ATMIN: variants seen among roughly 807,000 people sequenced by gnomAD.
ATMIN encodes the protein ATM INteracting protein.
Under a neutral mutation model 49.2 loss-of-function variants are expected in ATMIN, and 24 were observed. That is an observed-to-expected ratio of 0.49 (90% CI 0.35 to 0.69). The LOEUF (loss-of-function observed/expected upper bound fraction) is 0.69. Ranked by LOEUF, ATMIN falls within the 30% of genes least tolerant of loss-of-function variation. The pLI is 0.00. For synonymous variants in ATMIN, 450 were observed against 392.5 expected (o/e 1.15, Z -1.73); for missense variants, 1,037 against 1,005.5 (o/e 1.03, Z -0.42).
chr16:81,043,997 G>A lies in ATMIN; in HGVS notation c.1499G>A (p.Ser500Asn). 6.2e-7 allele frequency: 1 copy of A among 1,614,220 alleles called. No homozygotes were observed. The highest frequency in any genetic ancestry group is 1.1e-5 in the South Asian group (1 of 91,084). ...SRETQTSGIE[S>N]PTDDHVQMDQ... ...GAAACTCAAACCAGTGGGATAGAAA[G>A]TCCAACGGATGACCATGTACAGATG... The change falls in exon 4 of 4, where the codon AGT becomes AAT. Residue 500 changes from serine (S) to asparagine (N), a missense_variant. Coordinates refer to ENST00000299575, the MANE Select transcript of ATMIN (RefSeq NM_015251.3).
chr16:81,041,555 C>G (rs898589637), intron 2 of ATMIN, 74 bp downstream of exon 2: 24 of 1,533,704 alleles, frequency 1.6e-5, no homozygotes, highest in Non-Finnish European at 1.7e-5. Context: ...GCAGACATAA[C>G]TACAGAATTG....
chr16:81,041,384 A>T lies in ATMIN; in HGVS notation c.365A>T (p.Lys122Ile), dbSNP rs762456984. Residue 122 changes from lysine (K) to isoleucine (I), a missense_variant, in exon 2 of 4, where the codon AAA becomes ATA. By Grantham distance (102) the Lys-to-Ile change is moderately radical. Transcript: ENST00000299575. ...GGCATAGTCAATCCAACAATAAGAA[A>T]AGATTTGAAAACTGGACCGAAATTC... ...QDGIVNPTIR[K>I]DLKTGPKFYC... is the part of the protein sequence containing the mutation. 4 of 1,613,514 alleles carry T rather than the reference A, an allele frequency of 2.5e-6. No homozygotes were observed. The highest frequency in any genetic ancestry group is 3.4e-6 in the Non-Finnish European group (4 of 1,179,876).
At position 81,046,661 on chromosome 16, in the gene ATMIN, G is replaced by GACACAC. The variant is rs56038631; in HGVS notation, c.*1716_*1721dup. ...GTGCAGCCTGTAAGTTCTCCACATT[G>GACACAC]ACACACACACACACACACACACACA... On this transcript the variant is annotated 3_prime_UTR_variant, in exon 4 of 4. Coordinates refer to ENST00000299575, the MANE Select transcript of ATMIN (RefSeq NM_015251.3). 0.064 allele frequency: 9,459 copies of GACACAC among 147,212 alleles called. 340 individuals carry two copies. Among genetic ancestry groups the GACACAC allele is most frequent in the African/African-American group, 0.098 (3,944 of 40,104 alleles). 9.1% of individuals were successfully genotyped at this position (147,212 alleles called of 1,614,324 possible).
intron 3 of ATMIN, 76 bp from the exon 4 acceptor site, chr16:81,043,085 G>A: frequency 6.7e-7 from 1 of 1,496,444 alleles, no homozygotes. Flanking sequence ...AATGGCATTT[G>A]TAAGTGAGGA....
Position 81,044,663 on chromosome 16 carries a change from G to T in ATMIN, c.2165G>T (p.Ser722Ile), listed in dbSNP as rs962002598. 3.1e-6 allele frequency: 5 copies of T among 1,614,174 alleles called. No homozygotes were observed. Among genetic ancestry groups the T allele is most frequent in the Non-Finnish European group, 4.2e-6 (5 of 1,180,040 alleles). Residue 722 changes from serine to isoleucine, a missense_variant, in exon 4 of 4, where the codon AGT (serine) becomes ATT (isoleucine). Physicochemically the swap from Ser to Ile is moderately radical, Grantham distance 142 (BLOSUM62 -2). Transcript: ENST00000299575. ...AGTAGCCCTCATCTGCCTCTGGGAA[G>T]TATTCTGAAACACTCCAGCTTTTCC... ...LDSSPHLPLG[S>I]ILKHSSFSVS...
intron 1 of ATMIN, chr16:81,040,993 C>T (rs963193546): frequency 2.8e-5 from 6 of 213,454 alleles, no homozygotes; most frequent in Non-Finnish European, 5.7e-5. Flanking sequence ...AAAGGATTAC[C>T]GAGCTTCACT....
rs1053670010 is a variant in ATMIN at position 81,046,808 on chromosome 16, C to G, written c.*1838C>G. 3.3e-5 allele frequency: 5 copies of G among 152,576 alleles called. No individual in the cohort carries two copies. Among genetic ancestry groups the G allele is most frequent in the African/African-American group, 1.2e-4 (5 of 41,412 alleles). The allele number at this position is 152,576 out of a possible 1,614,324, so 9.5% of individuals were successfully genotyped here. A position where few individuals can be genotyped will look rare whatever the true frequency, so the allele number is the denominator to read the frequency against. On this transcript the variant is annotated 3_prime_UTR_variant, in exon 4 of 4. Transcript: ENST00000299575. ...GATGGTTTTGCTACTAATTCCTATC[C>G]CATACATTTGACACAAAAGAAGTGT...
chr16:81,038,316 A>G (rs1970981397), intron 1 of ATMIN, among the ~76,000 whole-genome samples: 1 of 151,870 alleles, frequency 6.6e-6, no homozygotes, highest in African/African-American at 2.4e-5. Flanking sequence ...TTTTTAGTAG[A>G]GGTGGGGTTT....
chr16:81,041,898 G>A (rs1481488556), intron 2 of ATMIN, among the ~76,000 whole-genome samples: 2 of 152,156 alleles, frequency 1.3e-5, no homozygotes, highest in Non-Finnish European at 2.9e-5. Context: ...CCCAGTGACT[G>A]GGACAAGAGG....
chr16:81,037,307 T>C (rs1047710121), intron 1 of ATMIN: 5 of 985,364 alleles, frequency 5.1e-6, no homozygotes, highest in African/African-American at 1.7e-5. Flanking sequence ...TGTCTGCCCA[T>C]AGTCAGGCTT....
intron 1 of ATMIN, chr16:81,040,726 T>C (rs1971023275): frequency 6.5e-6 from 1 of 154,054 alleles, no homozygotes; most frequent in Non-Finnish European, 1.4e-5. Context: ...ACTTGAACAG[T>C]ACGGGGGTGC....
At chr16:81,037,636 G>GT (rs1046091530) in intron 1 of ATMIN, 15 of 521,734 alleles carry the variant, frequency 2.9e-5, no homozygotes, top group South Asian at 8.3e-5. Context: ...TTGTTTTTGT[G>GT]TTTTTTTGTT....
chr16:81,046,206 AAAATT>A lies in ATMIN; in HGVS notation c.*1240_*1244del, dbSNP rs957394691. 5.3e-5 allele frequency: 8 copies of A among 152,072 alleles called. No individual in the cohort carries two copies. Among genetic ancestry groups the A allele is most frequent in the African/African-American group, 1.2e-4 (5 of 41,376 alleles). The allele number at this position is 152,072 out of a possible 1,614,324, so 9.4% of individuals were successfully genotyped here. On this transcript the variant is annotated 3_prime_UTR_variant, in exon 4 of 4. Transcript: ENST00000299575. ...AGCTGGATCTGAGTTTTGTCACTCT[AAAATT>A]AAACAAGAAAAAAAGTGGGAAAAGG...
chr16:81,036,060 C>T lies in ATMIN; in HGVS notation c.190C>T (p.Pro64Ser), dbSNP rs752055768. 7.8e-7 allele frequency: 1 copy of T among 1,277,878 alleles called. No homozygotes were observed. The highest frequency in any genetic ancestry group is 2.4e-5 in the South Asian group (1 of 42,548). 79.2% of individuals were successfully genotyped at this position (1,277,878 alleles called of 1,614,324 possible). The change falls in exon 1 of 4, where the codon CCG becomes TCG. Residue 64 changes from proline (P) to serine (S), a missense_variant. Physicochemically the swap from Pro to Ser is moderately conservative, Grantham distance 74. Transcript: ENST00000299575. ...GCAGCAGCCCGCTGTCCCCGCGCCG[C>T]CGGCGGGGGAGCTGATCCAGCCGTC... ...ATQQPAVPAP[P>S]AGELIQPSVS...
intron 1 of ATMIN, 133 bp from the exon 2 acceptor site, chr16:81,041,223 C>T: frequency 1.1e-6 from 1 of 946,126 alleles, no homozygotes; most frequent in South Asian, 1.8e-5. Context: ...TCTCTTACTG[C>T]TGACACTAGA....
At chr16:81,042,803 G>A (rs1971056687) in intron 3 of ATMIN, among the ~76,000 whole-genome samples, 2 of 152,130 alleles carry the variant, frequency 1.3e-5, no homozygotes, top group Non-Finnish European at 1.5e-5. Context: ...TCATGAAACT[G>A]TACTTCATTT....
rs2151741218 is a variant in ATMIN, at chr16:81,044,634, A to G, written c.2136A>G (p.Leu712=). Residue 712 remains leucine (L), a synonymous_variant, in exon 4 of 4, where the codon TTA becomes TTG. Coordinates refer to ENST00000299575, the MANE Select transcript of ATMIN (RefSeq NM_015251.3). ...CACAGACAGACTTAAACTTTTTCTT[A>G]GACAGTAGCCCTCATCTGCCTCTGG... is the stretch of plus-strand genomic sequence containing the variant. The part of the protein sequence containing the change: ...TQTQTDLNFF[L]DSSPHLPLGS... The G allele has an allele frequency of 6.2e-7, 1 of 1,614,204 alleles. No individual in the cohort carries two copies. The highest frequency in any genetic ancestry group is 2.2e-5 in the East Asian group (1 of 44,894).
In ATMIN at chr16:81,047,127, C is replaced by G. The variant is rs1172331245; in HGVS notation, c.*2157C>G. 1 of 152,582 alleles carries G rather than the reference C, an allele frequency of 6.6e-6. No individual in the cohort carries two copies. Among genetic ancestry groups the G allele is most frequent in the African/African-American group, 2.4e-5 (1 of 41,434 alleles). 9.5% of individuals were successfully genotyped at this position (152,582 alleles called of 1,614,324 possible). A position where few individuals can be genotyped will look rare whatever the true frequency, so the allele number is the denominator to read the frequency against. ...TAAATCTAGCCAATAGAGTCATTTACAGAAGAAAAATGAGCATGTAATAAT... is the reference window on the plus strand; with the variant it reads ...TAAATCTAGCCAATAGAGTCATTTAGAGAAGAAAAATGAGCATGTAATAAT... On this transcript the variant is annotated 3_prime_UTR_variant, in exon 4 of 4. Transcript: ENST00000299575.
Position 81,047,304 on chromosome 16 carries a change from C to G in ATMIN, c.*2334C>G, listed in dbSNP as rs1191898670. The stretch of plus-strand genomic sequence containing the variant: ...TATTGTATTGCCTTAAGTTTTCACT[C>G]ATTGTCTTTTGAAAGCCATATGATA... On this transcript the variant is annotated 3_prime_UTR_variant, in exon 4 of 4. Coordinates refer to ENST00000299575, the MANE Select transcript of ATMIN (RefSeq NM_015251.3). 1 of 152,142 alleles carries G rather than the reference C, an allele frequency of 6.6e-6. No individual in the cohort carries two copies. 9.4% of individuals were successfully genotyped at this position (152,142 alleles called of 1,614,324 possible).
Sources: allele counts gnomAD v4.1 joint callset (sites outside exome capture counted in the v4.1 genomes callset), GRCh38; gene constraint gnomAD v4.1.1; transcripts MANE v1.5; gene names NCBI Gene and HGNC (gene_info 2026-07-23, HGNC 2026-07-21).